The following COL7A1 variants were observed in gnomAD, a reference collection of about 807,000 sequenced individuals.
The protein encoded by COL7A1 is collagen type VII alpha 1 chain.
A neutral mutation model predicts 456.2 loss-of-function variants in COL7A1; 296 were observed. The ratio of observed to expected loss-of-function variants is 0.65; its 90% CI spans 0.59 to 0.71. COL7A1 has a LOEUF of 0.71. COL7A1 is among the 30% of genes least tolerant of loss of function. The probability of loss-of-function intolerance (pLI) is 0.00; values close to 1 mark genes in which losing one functional copy is unlikely to be tolerated. For missense variants in COL7A1, 3,441 were observed against 4,017.2 expected, an observed-to-expected ratio of 0.86 and a Z score of 3.88; for synonymous variants, 1,464 against 1,525.9, an observed-to-expected ratio of 0.96 and a Z score of 0.95.
In COL7A1 at chr3:48,589,352, G is replaced by A; in HGVS notation, c.2289C>T (p.Pro763=). Residue 763 remains proline (P), a synonymous_variant, in exon 18 of 119, where the codon CCC becomes CCT. Coordinates refer to ENST00000681320, the MANE Select transcript of COL7A1 (RefSeq NM_000094.4). ...VRAHVAGVDG[P]PASVVVRTAP... is the part of the protein sequence containing the mutation. ...CAGTCCTCACAACCACAGAGGCAGG[G>A]GGCCCATCCACGCCAGCCACATGGG... 2 of 1,612,694 alleles carry A rather than the reference G, an allele frequency of 1.2e-6. No individual in the cohort carries two copies. The highest frequency in any genetic ancestry group is 1.7e-6 in the Non-Finnish European group (2 of 1,179,980).
Position 48,592,140 on chromosome 3 carries a change from C to T in COL7A1, c.1202G>A (p.Arg401His), listed in dbSNP as rs757929353. The change falls in exon 10 of 119, where the codon CGC becomes CAC. Residue 401 changes from arginine (R) to histidine (H), a missense_variant. Arg to His is a conservative substitution (Grantham distance 29, BLOSUM62 0). Around this residue, in one of 3 missense-constraint regions of COL7A1, gnomAD observed 913 missense variants for 1,088.2 expected, o/e 0.84. Transcript: ENST00000681320. The surrounding 1 kb of genome is among the most constrained non-coding windows in gnomAD (Gnocchi z 7.6). Reference sequence around the variant, plus strand: ...CAGGGAAGTGGCGGGCCCCACACTGCGGCCAAATAGGGTGCTCACGGTCAC... The same window carrying T: ...CAGGGAAGTGGCGGGCCCCACACTGTGGCCAAATAGGGTGCTCACGGTCAC... ...YEVTVSTLFG[R>H]SVGPATSLMA... 4.3e-6 allele frequency: 7 copies of T among 1,614,070 alleles called. No homozygotes were observed. The Admixed American group carries it at 6.7e-5, about 15-fold the overall frequency.
chr3:48,569,938 G>A lies in COL7A1; in HGVS notation c.7486-23C>T. ...CCCCTGTGTGAGAGAAGGTGACCGT[G>A]AGCTACAGGAACCAGGGCAGTGGAG... On this transcript the variant is annotated intron_variant, in intron 99 of 118. Transcript: ENST00000681320. The surrounding 1 kb of genome is among the most constrained non-coding windows in gnomAD (Gnocchi z 4.9). The A allele has an allele frequency of 1.2e-6, 2 of 1,613,912 alleles. No homozygotes were observed.
chr3:48,592,107 C>A lies in COL7A1; in HGVS notation c.1235G>T (p.Arg412Leu). ...SVGPATSLMA[R>L]TDASVEQTLR... is the part of the protein sequence containing the mutation. ...AAAGTGCCCAGCCTTCTCACCAGTG[C>A]GAGCCATCAGGGAAGTGGCGGGCCC... Residue 412 changes from arginine (R) to leucine (L), a missense_variant, in exon 10 of 119, where the codon CGC becomes CTC. Around this residue, in one of 3 missense-constraint regions of COL7A1, gnomAD observed 913 missense variants for 1,088.2 expected, o/e 0.84. Coordinates refer to ENST00000681320, the MANE Select transcript of COL7A1 (RefSeq NM_000094.4). This position sits in a 1 kb window ranked among gnomAD's most constrained non-coding sequence, Gnocchi z 7.6. The A allele has an allele frequency of 6.2e-7, 1 of 1,614,182 alleles. No individual in the cohort carries two copies. Among genetic ancestry groups the A allele is most frequent in the African/African-American group, 1.3e-5 (1 of 75,054 alleles).
chr3:48,591,605 A>G lies in COL7A1; in HGVS notation c.1508-13T>C, dbSNP rs369945654. On this transcript the variant is annotated splice_polypyrimidine_tract_variant and intron_variant, in intron 12 of 118. Transcript: ENST00000681320. The surrounding 1 kb of genome is among the most constrained non-coding windows in gnomAD (Gnocchi z 7.0). ...GGCAGCTCTGGTCCTGTTGGAGAGCACAGCATAGAGGCAGCCTGGGGCTCC... is the reference window on the plus strand; with the variant it reads ...GGCAGCTCTGGTCCTGTTGGAGAGCGCAGCATAGAGGCAGCCTGGGGCTCC... 6.2e-7 allele frequency: 1 copy of G among 1,613,444 alleles called. No individual in the cohort carries two copies. Among genetic ancestry groups the G allele is most frequent in the Non-Finnish European group, 8.5e-7 (1 of 1,179,988 alleles).
rs1339879647 is a variant in COL7A1 at position 48,584,443 on chromosome 3, C to G, written c.4119+42G>C. 4 of 1,613,194 alleles carry G rather than the reference C, an allele frequency of 2.5e-6. No individual in the cohort carries two copies. In the Admixed American group the frequency reaches 6.7e-5, roughly 27 times the overall value. ...CACTCTCGCCCCCCTCGTGTTGGTC[C>G]CCCCACTACACATCACTTGCCTCCA... On this transcript the variant is annotated intron_variant, in intron 36 of 118. Coordinates refer to ENST00000681320, the MANE Select transcript of COL7A1 (RefSeq NM_000094.4).
At position 48,586,543 on chromosome 3, in the gene COL7A1, A is replaced by C. The variant is rs746073100; in HGVS notation, c.3403+20T>G. 6.2e-7 allele frequency: 1 copy of C among 1,613,758 alleles called. No individual in the cohort carries two copies. Among genetic ancestry groups the C allele is most frequent in the Non-Finnish European group, 8.5e-7 (1 of 1,180,030 alleles). On this transcript the variant is annotated intron_variant, in intron 26 of 118. Transcript: ENST00000681320. The surrounding 1 kb of genome is among the most constrained non-coding windows in gnomAD (Gnocchi z 5.1). ...TCCCAGTGGATAGCCCCAGGAGTCC[A>C]TGCCTGCTGCAGTCCTCACCCAGGT...
Position 48,568,472 on chromosome 3 carries a change from GC to G in COL7A1, c.7794+26del. On this transcript the variant is annotated intron_variant, in intron 105 of 118. Transcript: ENST00000681320. This position sits in a 1 kb window ranked among gnomAD's most constrained non-coding sequence, Gnocchi z 5.2. ...GACGGGGGCCCTCTGGGGACAGGGGGCCCCTGTGGGAGCAGGGGCATCTTAC... is the reference window on the plus strand; with the variant it reads ...GACGGGGGCCCTCTGGGGACAGGGGGCCCTGTGGGAGCAGGGGCATCTTAC... 6.3e-7 allele frequency: 1 copy of G among 1,590,456 alleles called. No individual in the cohort carries two copies. The highest frequency in any genetic ancestry group is 8.6e-7 in the Non-Finnish European group (1 of 1,164,574).
In COL7A1 at chr3:48,566,803, G is replaced by C; in HGVS notation, c.8227-66C>G. ...TGGGGATCAGAGTCAGGCAGGTTGG[G>C]GGCCACAGCTTCAGAGGTTGGGGCA... On this transcript the variant is annotated intron_variant, in intron 111 of 118. Transcript: ENST00000681320. This position sits in a 1 kb window ranked among gnomAD's most constrained non-coding sequence, Gnocchi z 5.9. 1 of 1,600,524 alleles carries C rather than the reference G, an allele frequency of 6.2e-7. No homozygotes were observed. The highest frequency in any genetic ancestry group is 1.3e-5 in the African/African-American group (1 of 74,688).
Position 48,585,057 on chromosome 3 carries a change from G to A in COL7A1, c.3954C>T (p.Thr1318=), listed in dbSNP as rs764831575. 2 of 1,612,882 alleles carry A rather than the reference G, an allele frequency of 1.2e-6. No individual in the cohort carries two copies. The highest frequency in any genetic ancestry group is 1.7e-6 in the Non-Finnish European group (2 of 1,179,912). The change falls in exon 33 of 119, where the codon ACC becomes ACT. Residue 1318 remains threonine, a synonymous_variant. Coordinates refer to ENST00000681320, the MANE Select transcript of COL7A1 (RefSeq NM_000094.4). This position sits in a 1 kb window ranked among gnomAD's most constrained non-coding sequence, Gnocchi z 4.5. ...GSPGRAGNPG[T]PGAPGLKGSP... is the part of the protein sequence containing the mutation. Reference sequence around the variant, plus strand: ...TCACCTTTAGGCCAGGGGCTCCAGGGGTCCCAGGATTCCCGGCGCGGCCAG... The same window carrying A: ...TCACCTTTAGGCCAGGGGCTCCAGGAGTCCCAGGATTCCCGGCGCGGCCAG...
rs41290688 is a variant in COL7A1 at position 48,585,308 on chromosome 3, G to A, written c.3895-192C>T. Among the ~76,000 whole-genome samples the A allele has an allele frequency of 8.5e-5, 13 of 152,304 alleles. No homozygotes were observed. Among genetic ancestry groups the A allele is most frequent in the East Asian group, 1.9e-4 (1 of 5,176 alleles). ...GCCCAATTCCAGGCACAAGGGCAGC[G>A]ACAAGGCAGAGGGCTTCCCTGCCTC... On this transcript the variant is annotated intron_variant, in intron 32 of 118. Transcript: ENST00000681320. The surrounding 1 kb of genome is among the most constrained non-coding windows in gnomAD (Gnocchi z 4.5).
chr3:48,588,156 T>C lies in COL7A1; in HGVS notation c.2710+126A>G, dbSNP rs1432340986. The stretch of plus-strand genomic sequence containing the variant: ...CACTTCATTGATTGATCTTACCTAC[T>C]GTCACGGATCCCGCAGACCCCCAGT... On this transcript the variant is annotated intron_variant, in intron 21 of 118. Transcript: ENST00000681320. This position sits in a 1 kb window ranked among gnomAD's most constrained non-coding sequence, Gnocchi z 4.6. The C allele has an allele frequency of 4.8e-6, 7 of 1,470,094 alleles. No individual in the cohort carries two copies. In the East Asian group the frequency reaches 1.2e-4, roughly 25 times the overall value. 91.1% of individuals were successfully genotyped at this position (1,470,094 alleles called of 1,614,324 possible). A position where few individuals can be genotyped will look rare whatever the true frequency, so the allele number is the denominator to read the frequency against.
At position 48,590,966 on chromosome 3, in the gene COL7A1, A is replaced by C. The variant is rs1000762097; in HGVS notation, c.1637-150T>G. On this transcript the variant is annotated intron_variant, in intron 13 of 118. Transcript: ENST00000681320. The surrounding 1 kb of genome is among the most constrained non-coding windows in gnomAD (Gnocchi z 4.6). ...ACCAGAGAGCTGGGATATGGCTGAAAAAAGTGAGTGCAAGACAAGGACATA... is the reference window on the plus strand; with the variant it reads ...ACCAGAGAGCTGGGATATGGCTGAACAAAGTGAGTGCAAGACAAGGACATA... 5.7e-6 allele frequency: 5 copies of C among 874,172 alleles called. No individual in the cohort carries two copies. Among genetic ancestry groups the C allele is most frequent in the African/African-American group, 1.7e-5 (1 of 60,330 alleles). 54.2% of individuals were successfully genotyped at this position (874,172 alleles called of 1,614,324 possible). A position where few individuals can be genotyped will look rare whatever the true frequency, so the allele number is the denominator to read the frequency against.
rs1033550117 is a variant in COL7A1 at position 48,590,441 on chromosome 3, C to A, written c.1906+18G>T. ...TCATTGGTCCCTTTGGCAGTCCCCC[C>A]ACACACCCCACACTGACCACTGCCT... On this transcript the variant is annotated intron_variant, in intron 15 of 118. Coordinates refer to ENST00000681320, the MANE Select transcript of COL7A1 (RefSeq NM_000094.4). This position sits in a 1 kb window ranked among gnomAD's most constrained non-coding sequence, Gnocchi z 4.6. The A allele has an allele frequency of 1.9e-6, 3 of 1,614,140 alleles. No homozygotes were observed. Among genetic ancestry groups the A allele is most frequent in the Non-Finnish European group, 2.5e-6 (3 of 1,180,026 alleles).
Position 48,589,480 on chromosome 3 carries a change from G to A in COL7A1, c.2171-10C>T. The A allele has an allele frequency of 2.5e-6, 4 of 1,613,484 alleles. No homozygotes were observed. Among genetic ancestry groups the A allele is most frequent in the Non-Finnish European group, 3.4e-6 (4 of 1,180,022 alleles). On this transcript the variant is annotated splice_polypyrimidine_tract_variant and intron_variant, in intron 17 of 118. Transcript: ENST00000681320. ...TGGGATTTCTCTGGGCCTGGGAACA[G>A]GGATGGAGGCAGCTCCAGGGCTAGC...
chr3:48,590,595 C>CAGACAGA lies in COL7A1; in HGVS notation c.1781-18_1781-12dup, dbSNP rs2045623928. 6.2e-7 allele frequency: 1 copy of CAGACAGA among 1,613,994 alleles called. No individual in the cohort carries two copies. Among genetic ancestry groups the CAGACAGA allele is most frequent in the African/African-American group, 1.3e-5 (1 of 74,896 alleles). ...GTGGAGTTTCCGGCTCTAGGAGTTA[C>CAGACAGA]AGACAGAAGTCAGAAGTCAGAACCA... On this transcript the variant is annotated splice_polypyrimidine_tract_variant and intron_variant, in intron 14 of 118. Transcript: ENST00000681320. The surrounding 1 kb of genome is among the most constrained non-coding windows in gnomAD (Gnocchi z 4.6).
chr3:48,583,421 C>G lies in COL7A1; in HGVS notation c.4409G>C (p.Arg1470Pro). The G allele has an allele frequency of 6.2e-7, 1 of 1,614,140 alleles. No individual in the cohort carries two copies. Among genetic ancestry groups the G allele is most frequent in the South Asian group, 1.1e-5 (1 of 91,082 alleles). The change falls in exon 42 of 119, where the codon CGG becomes CCG. Residue 1470 changes from arginine to proline, a missense_variant. Around this residue, in one of 3 missense-constraint regions of COL7A1, gnomAD observed 2,084 missense variants for 2,501.3 expected, o/e 0.83. Transcript: ENST00000681320. This position sits in a 1 kb window ranked among gnomAD's most constrained non-coding sequence, Gnocchi z 5.1. ...QPGSPGEQGPRGPPGAIGPKG... is the reference protein window; with the variant it reads ...QPGSPGEQGPPGPPGAIGPKG... The stretch of plus-strand genomic sequence containing the variant: ...GGGGCCAATAGCTCCAGGAGGTCCC[C>G]GTGGGCCCTGGAAGGGATGAATTTG...
chr3:48,567,603 G>A lies in COL7A1; in HGVS notation c.8017C>T (p.Pro2673Ser), dbSNP rs781478312. The change falls in exon 109 of 119, where the codon CCT becomes TCT. Residue 2673 changes from proline to serine, a missense_variant. Around this residue, in one of 3 missense-constraint regions of COL7A1, gnomAD observed 2,084 missense variants for 2,501.3 expected, o/e 0.83. Transcript: ENST00000681320. This position sits in a 1 kb window ranked among gnomAD's most constrained non-coding sequence, Gnocchi z 4.3. ...GGACCGATCAGGCCCTCCTTGCCAG[G>A]GGCCCCCGACTGGCCCGGCACACCA... ...EPGVPGQSGA[P>S]GKEGLIGPKG... 52 of 1,614,104 alleles carry A rather than the reference G, an allele frequency of 3.2e-5. No homozygotes were observed. In the South Asian group the frequency reaches 3.5e-4, roughly 11 times the overall value.
chr3:48,593,596 T>G lies in COL7A1; in HGVS notation c.367A>C (p.Ile123Leu), dbSNP rs775274847. 3.0e-5 allele frequency: 48 copies of G among 1,614,070 alleles called. No homozygotes were observed. The highest frequency in any genetic ancestry group is 2.6e-5 in the Non-Finnish European group (31 of 1,180,034). ...AAGACATGGTCAGCCACATGGAGAATTGCAGCCCCTGTGCGAGTGTTGCCC... is the reference window on the plus strand; with the variant it reads ...AAGACATGGTCAGCCACATGGAGAAGTGCAGCCCCTGTGCGAGTGTTGCCC... Reference protein sequence around the residue: ...KGGNTRTGAAILHVADHVFLP... With the variant: ...KGGNTRTGAALLHVADHVFLP... The change falls in exon 4 of 119, where the codon ATT (isoleucine) becomes CTT (leucine). Residue 123 changes from isoleucine (I) to leucine (L), a missense_variant. Physicochemically the swap from Ile to Leu is conservative, Grantham distance 5 (BLOSUM62 2). This residue lies in a region of COL7A1 where 913 missense variants were observed against 1,088.2 expected (regional missense o/e 0.84). Coordinates refer to ENST00000681320, the MANE Select transcript of COL7A1 (RefSeq NM_000094.4). This position sits in a 1 kb window ranked among gnomAD's most constrained non-coding sequence, Gnocchi z 4.4.
In COL7A1 at chr3:48,570,549, C is replaced by T. The variant is rs939227821; in HGVS notation, c.7345-49G>A. 7.4e-6 allele frequency: 12 copies of T among 1,613,754 alleles called. No individual in the cohort carries two copies. The highest frequency in any genetic ancestry group is 1.0e-5 in the Non-Finnish European group (12 of 1,179,866). Reference sequence around the variant, plus strand: ...GTCCTGTGGCTCTCAAAGCGCCTCCCCCAACACCCCACAGTGTGGCCCGCC... The same window carrying T: ...GTCCTGTGGCTCTCAAAGCGCCTCCTCCAACACCCCACAGTGTGGCCCGCC... On this transcript the variant is annotated intron_variant, in intron 96 of 118. Coordinates refer to ENST00000681320, the MANE Select transcript of COL7A1 (RefSeq NM_000094.4). The surrounding 1 kb of genome is among the most constrained non-coding windows in gnomAD (Gnocchi z 5.5).
Sources: allele counts gnomAD v4.1 joint callset (sites outside exome capture counted in the v4.1 genomes callset), GRCh38; gene constraint gnomAD v4.1.1; regional missense constraint gnomAD v4.1.1; non-coding constraint Gnocchi (gnomAD v3.1); transcripts MANE v1.5; gene names NCBI Gene and HGNC (gene_info 2026-07-23, HGNC 2026-07-21).